Variants in AKT3 observed in about 807,000 individuals in gnomAD.
The protein encoded by AKT3 is RAC-gamma serine/threonine-protein kinase.
In AKT3, 15 loss-of-function variants were observed where a neutral mutation model predicts 65.3. The ratio of observed to expected loss-of-function variants is 0.23; its 90% confidence interval spans 0.15 to 0.35. The LOEUF is 0.35. AKT3 is among the 10% of genes least tolerant of loss of function. The pLI is 1.00. For synonymous variants in AKT3, 206 were observed against 183.8 expected (o/e 1.12, Z -0.98); for missense variants, 243 against 576.5 (o/e 0.42, Z 5.92).
intron 3 of AKT3, among the ~76,000 whole-genome samples, chr1:243,665,578 G>A (rs1682711402): frequency 6.6e-6 from 1 of 152,140 alleles, no homozygotes; most frequent in African/African-American, 2.4e-5. Flanking sequence ...TGACACTGGT[G>A]TGCGTAGATT....
At chr1:243,494,717 C>T (rs1262274007) in intron 13 of AKT3, among the ~76,000 whole-genome samples, 1 of 152,228 alleles carries the variant, frequency 6.6e-6, no homozygotes, top group Non-Finnish European at 1.5e-5. Context: ...TATATTCCTT[C>T]AGATACATTC....
rs76061119 is a variant in AKT3, at chr1:243,786,207, A to G, written c.46+56918T>C. On this transcript the variant is annotated intron_variant, in intron 2 of 13. Coordinates refer to ENST00000673466, the MANE Select transcript of AKT3 (RefSeq NM_005465.7). Reference sequence around the variant, plus strand: ...CCTCTAACCCTGATCAAAAAGAGGTATTCAAGCACAAAGCAGAACAAAGTT... The same window carrying G: ...CCTCTAACCCTGATCAAAAAGAGGTGTTCAAGCACAAAGCAGAACAAAGTT... 9.2e-5 allele frequency among the ~76,000 whole-genome samples: 14 copies of G among 152,346 alleles called. No individual in the cohort carries two copies. The East Asian group carries it at 9.7e-4, about 11-fold the overall frequency.
At chr1:243,513,723 A>G (rs1376238663) in intron 12 of AKT3, among the ~76,000 whole-genome samples, 2 of 151,998 alleles carry the variant, frequency 1.3e-5, no homozygotes, top group Non-Finnish European at 2.9e-5. Context: ...ATTAGCAAGC[A>G]CTCCTTTGGG....
chr1:243,779,363 C>T (rs1690763595), intron 2 of AKT3, among the ~76,000 whole-genome samples: 1 of 147,414 alleles, frequency 6.8e-6, no homozygotes, highest in African/African-American at 2.5e-5. Context: ...AATACCTGAG[C>T]AGTGACAATG....
chr1:243,560,116 T>C (rs1424840937), intron 10 of AKT3, among the ~76,000 whole-genome samples: 1 of 152,140 alleles, frequency 6.6e-6, no homozygotes, highest in Admixed American at 6.6e-5. Context: ...CTTCCCCTTT[T>C]CCACTGCCGG....
At chr1:243,544,323 G>A (rs918670615) in intron 12 of AKT3, among the ~76,000 whole-genome samples, 9 of 151,264 alleles carry the variant, frequency 5.9e-5, no homozygotes, top group African/African-American at 2.2e-4. Flanking sequence ...AGCAAAAATT[G>A]CAGTACTAAG....
At chr1:243,545,625 A>C in intron 11 of AKT3, 28 bp from the exon 12 acceptor site, 1 of 1,482,460 alleles carries the variant, frequency 6.7e-7, no homozygotes, top group Non-Finnish European at 9.4e-7. Flanking sequence ...AAATTAAGTA[A>C]GTATAAAACA....
At chr1:243,551,975 A>C (rs1673097693) in intron 11 of AKT3, among the ~76,000 whole-genome samples, 1 of 152,102 alleles carries the variant, frequency 6.6e-6, no homozygotes, top group African/African-American at 2.4e-5. Flanking sequence ...TGCATAGAAA[A>C]GATTATTTTC....
At chr1:243,543,208 C>A (rs928376776) in intron 12 of AKT3, among the ~76,000 whole-genome samples, 7 of 152,186 alleles carry the variant, frequency 4.6e-5, no homozygotes, top group African/African-American at 1.7e-4. Context: ...GCATGTCTAA[C>A]CCAGTGGAGC....
At chr1:243,617,573 G>C (rs1358355541) in intron 6 of AKT3, among the ~76,000 whole-genome samples, 1 of 152,080 alleles carries the variant, frequency 6.6e-6, no homozygotes, top group Non-Finnish European at 1.5e-5. Context: ...TACTCTTTCT[G>C]ATAAGTGATA....
At chr1:243,665,557 T>C (rs1682709931) in intron 3 of AKT3, among the ~76,000 whole-genome samples, 1 of 152,182 alleles carries the variant, frequency 6.6e-6, no homozygotes, top group African/African-American at 2.4e-5. Flanking sequence ...GAGCCTAAAG[T>C]ATGGATTCTC....
chr1:243,754,552 C>T lies in AKT3; in HGVS notation c.47-58836G>A, dbSNP rs1572283031. Among the ~76,000 whole-genome samples, 4 of 152,114 alleles carry T rather than the reference C, an allele frequency of 2.6e-5. No individual in the cohort carries two copies. The East Asian group carries it at 7.7e-4, about 29-fold the overall frequency. The stretch of plus-strand genomic sequence containing the variant: ...ATGGTGGCTGTTAGGAACCAGGCCA[C>T]GCAGCAAGAGGTGAGCAGCAGGTGA... On this transcript the variant is annotated intron_variant, in intron 2 of 13. Transcript: ENST00000673466.
At chr1:243,575,150 C>T (rs941085127) in intron 8 of AKT3, among the ~76,000 whole-genome samples, 3 of 152,148 alleles carry the variant, frequency 2.0e-5, no homozygotes, top group African/African-American at 4.8e-5. Flanking sequence ...GTCTGCACTG[C>T]TTCTTCCAAA....
downstream of AKT3, among the ~76,000 whole-genome samples, chr1:243,496,776 T>TA (rs1477944444): frequency 6.6e-6 from 1 of 152,250 alleles, no homozygotes; most frequent in Non-Finnish European, 1.5e-5. Flanking sequence ...ACTGATTTCT[T>TA]ACACTCAGAA....
At chr1:243,527,870 AACACACACACACACACAC>A (rs56956606) in intron 12 of AKT3, among the ~76,000 whole-genome samples, 1,239 of 99,216 alleles carry the variant, frequency 0.012, 36 homozygotes, top group African/African-American at 0.028. Context: ...CATCTCTTAA[AACACACACACACACACAC>A]ACACACACAC....
intron 12 of AKT3, among the ~76,000 whole-genome samples, chr1:243,516,806 T>C (rs1254890645): frequency 6.6e-6 from 1 of 152,206 alleles, no homozygotes; most frequent in Non-Finnish European, 1.5e-5. Flanking sequence ...GATCTCACTA[T>C]GTTGTGCAGA....
chr1:243,807,416 C>T (rs1427440516), intron 2 of AKT3, among the ~76,000 whole-genome samples: 1 of 152,186 alleles, frequency 6.6e-6, no homozygotes, highest in Non-Finnish European at 1.5e-5. Flanking sequence ...GGTCCTATGC[C>T]CACAGAGCCT....
At chr1:243,595,816 G>C (rs2148562368) in intron 8 of AKT3, among the ~76,000 whole-genome samples, 1 of 152,056 alleles carries the variant, frequency 6.6e-6, no homozygotes, top group Non-Finnish European at 1.5e-5. Flanking sequence ...ACCTGATGCT[G>C]TTTTACAGTT....
At chr1:243,520,299 G>T (rs1670640945) in intron 12 of AKT3, among the ~76,000 whole-genome samples, 2 of 152,210 alleles carry the variant, frequency 1.3e-5, no homozygotes, top group Admixed American at 1.3e-4. Flanking sequence ...CCATCTGCAA[G>T]CCACGGACAG....
Sources: allele counts gnomAD v4.1 joint callset (sites outside exome capture counted in the v4.1 genomes callset), GRCh38; gene constraint gnomAD v4.1.1; transcripts MANE v1.5; gene names NCBI Gene and HGNC (gene_info 2026-07-23, HGNC 2026-07-21).